Variants in FOXN3 observed in about 807,000 individuals in gnomAD.
FOXN3 encodes forkhead box N3.
Under a neutral mutation model 38.4 loss-of-function variants are expected in FOXN3, and 7 were observed. The ratio of observed to expected loss-of-function variants is 0.18; its 90% confidence interval spans 0.10 to 0.34. The LOEUF is 0.34. Among genes scored for constraint, FOXN3 ranks in the 10% least tolerant of loss-of-function variants. The probability of loss-of-function intolerance (pLI) is 1.00; values close to 1 mark genes in which losing one functional copy is unlikely to be tolerated. For synonymous variants in FOXN3, 230 were observed against 242.2 expected (o/e 0.95, Z 0.47); for missense variants, 456 against 613.4 (o/e 0.74, Z 2.71).
At chr14:89,518,845 T>C (rs1894261699) in intron 1 of FOXN3, among the ~76,000 whole-genome samples, 1 of 152,046 alleles carries the variant, frequency 6.6e-6, no homozygotes, top group Non-Finnish European at 1.5e-5. Flanking sequence ...TGAAACCCCA[T>C]CTCTACTAAA....
chr14:89,413,965 T>A (rs1208836317), intron 1 of FOXN3, among the ~76,000 whole-genome samples: 21 of 102,060 alleles, frequency 2.1e-4, no homozygotes, highest in Admixed American at 8.6e-4. Context: ...GGAGGAGGGA[T>A]GGAGGAGGAG....
rs558489634 is a variant in FOXN3 at position 89,335,939 on chromosome 14, G to T, written c.680+14733C>A. Among the ~76,000 whole-genome samples, 7 of 152,156 alleles carry T rather than the reference G, an allele frequency of 4.6e-5. No individual in the cohort carries two copies. The South Asian group carries it at 1.5e-3, about 32-fold the overall frequency. ...AGACATTTATTCCCAAAATGACTGAGAGTTTAAGAGGAACAAAACAAGAGG... is the reference window on the plus strand; with the variant it reads ...AGACATTTATTCCCAAAATGACTGATAGTTTAAGAGGAACAAAACAAGAGG... On this transcript the variant is annotated intron_variant, in intron 3 of 5. Transcript: ENST00000557258.
At chr14:89,473,615 G>T (rs1035774355) in intron 1 of FOXN3, among the ~76,000 whole-genome samples, 2 of 152,056 alleles carry the variant, frequency 1.3e-5, no homozygotes, top group African/African-American at 4.8e-5. Context: ...GGATCCTCCT[G>T]CCTTGGCCTC....
At chr14:89,442,205 C>T (rs1176890901) in intron 1 of FOXN3, among the ~76,000 whole-genome samples, 1 of 152,122 alleles carries the variant, frequency 6.6e-6, no homozygotes, top group Non-Finnish European at 1.5e-5. Flanking sequence ...GGATTACAGC[C>T]GTGAGCCACC....
chr14:89,307,735 G>A (rs1887420576), intron 3 of FOXN3, among the ~76,000 whole-genome samples: 1 of 152,178 alleles, frequency 6.6e-6, no homozygotes, highest in South Asian at 2.1e-4. Context: ...ACCATGGTGA[G>A]AGGAACCATC....
chr14:89,340,676 T>C (rs1407599627), intron 3 of FOXN3, among the ~76,000 whole-genome samples: 1 of 152,158 alleles, frequency 6.6e-6, no homozygotes, highest in Non-Finnish European at 1.5e-5. Context: ...GTGGGTGTTA[T>C]TCTCATCAAT....
At chr14:89,308,677 C>T (rs899410894) in intron 3 of FOXN3, among the ~76,000 whole-genome samples, 16 of 152,142 alleles carry the variant, frequency 1.1e-4, no homozygotes, top group African/African-American at 3.9e-4. Flanking sequence ...GCCTAGTTGG[C>T]CTGGCTCAAA....
At chr14:89,486,838 G>A (rs1049032054) in intron 1 of FOXN3, among the ~76,000 whole-genome samples, 2 of 152,156 alleles carry the variant, frequency 1.3e-5, no homozygotes, top group Non-Finnish European at 2.9e-5. Flanking sequence ...TAAAAGACTG[G>A]ATCTTTCACG....
chr14:89,420,673 T>G (rs777768365), upstream of FOXN3, among the ~76,000 whole-genome samples: 5 of 152,148 alleles, frequency 3.3e-5, no homozygotes, highest in Non-Finnish European at 7.4e-5. Context: ...ATTTGCTGAG[T>G]GCCTACCAAG....
chr14:89,460,290 T>C (rs1412362172), intron 1 of FOXN3, among the ~76,000 whole-genome samples: 3 of 152,114 alleles, frequency 2.0e-5, no homozygotes, highest in Non-Finnish European at 4.4e-5. Flanking sequence ...AATGCGAACA[T>C]TCCTTTTCTG....
At chr14:89,539,878 C>T (rs1276596988) in intron 1 of FOXN3, among the ~76,000 whole-genome samples, 1 of 152,150 alleles carries the variant, frequency 6.6e-6, no homozygotes, top group African/African-American at 2.4e-5. Flanking sequence ...AAAAACTAGA[C>T]ATAGGCTGCA....
chr14:89,413,362 G>A (rs1891594894), intron 1 of FOXN3, among the ~76,000 whole-genome samples: 1 of 152,178 alleles, frequency 6.6e-6, no homozygotes, highest in South Asian at 2.1e-4. Flanking sequence ...GGCTGGGCAT[G>A]GTGGCTCACG....
chr14:89,433,922 ATTTT>A (rs35711478), intron 1 of FOXN3, among the ~76,000 whole-genome samples: 2 of 108,958 alleles, frequency 1.8e-5, no homozygotes. Flanking sequence ...TTTTATCAGA[ATTTT>A]TTTTTTTTTT....
intron 1 of FOXN3, among the ~76,000 whole-genome samples, chr14:89,511,943 A>T (rs1894102746): frequency 6.6e-6 from 1 of 152,194 alleles, no homozygotes; most frequent in Non-Finnish European, 1.5e-5. Flanking sequence ...CAGGATGGGG[A>T]AAACTGCCCC....
chr14:89,194,598 G>A (rs12588796), intron 4 of FOXN3, among the ~76,000 whole-genome samples: 74,349 of 151,644 alleles, frequency 0.49, 19,339 homozygotes, highest in African/African-American at 0.68. Flanking sequence ...AGAGCCAACA[G>A]CCTCCTGTCT....
At position 89,161,474 on chromosome 14, in the gene FOXN3, T is replaced by C. The variant is rs1168443191; in HGVS notation, c.*940A>G. On this transcript the variant is annotated 3_prime_UTR_variant, in exon 6 of 6. Coordinates refer to ENST00000557258, the MANE Select transcript of FOXN3 (RefSeq NM_005197.4). ...TTCCTTTCCTTAACAGCTATTGTAA[T>C]TTCCTGGACTTGGTTGCTTTTCACT... 6.6e-6 allele frequency: 1 copy of C among 151,670 alleles called. No homozygotes were observed. The highest frequency in any genetic ancestry group is 1.5e-5 in the Non-Finnish European group (1 of 67,930). 9.4% of individuals were successfully genotyped at this position (151,670 alleles called of 1,614,324 possible). A position where few individuals can be genotyped will look rare whatever the true frequency, so the allele number is the denominator to read the frequency against.
intron 1 of FOXN3, chr14:89,576,159 G>A (rs1397710054): frequency 6.6e-6 from 1 of 152,230 alleles, no homozygotes; most frequent in African/African-American, 2.4e-5. Flanking sequence ...ACAGCCACGT[G>A]CTCTAGCATT....
chr14:89,544,903 T>C (rs778897675), intron 1 of FOXN3, among the ~76,000 whole-genome samples: 9 of 152,252 alleles, frequency 5.9e-5, no homozygotes, highest in Non-Finnish European at 1.2e-4. Context: ...CTGTTCATTT[T>C]TGGAATCTTC....
intron 5 of FOXN3, among the ~76,000 whole-genome samples, chr14:89,180,324 G>T (rs539753270): frequency 1.3e-5 from 2 of 152,306 alleles, no homozygotes; most frequent in East Asian, 3.9e-4. Context: ...TGAAGGAACT[G>T]AGCCCAGAGT....
Sources: gnomAD v4.1 joint callset for allele counts (sites outside exome capture counted in the v4.1 genomes callset) on GRCh38, gnomAD v4.1.1 for gene constraint, MANE v1.5 for transcripts, NCBI Gene and HGNC (gene_info 2026-07-23, HGNC 2026-07-21) for gene names.